The following TMEM132E variants were observed in gnomAD, a reference collection of about 807,000 sequenced individuals.
The protein encoded by TMEM132E is transmembrane protein 132E.
A neutral mutation model predicts 78.5 loss-of-function variants in TMEM132E; 49 were observed. That is an observed-to-expected ratio of 0.62 (90% CI 0.50 to 0.79). TMEM132E has a LOEUF of 0.79. Among genes scored for constraint, TMEM132E ranks in the 30% least tolerant of loss-of-function variants. The pLI is 0.00. For synonymous variants in TMEM132E, 715 were observed against 670.6 expected (o/e 1.07, Z -1.02); for missense variants, 1,403 against 1,470.9 (o/e 0.95, Z 0.75).
chr17:34,637,808 A>G lies in TMEM132E; in HGVS notation c.2801A>G (p.His934Arg). Residue 934 changes from histidine to arginine, a missense_variant, in exon 9 of 9, where the codon CAC becomes CGC. This residue lies in a region of TMEM132E where 888 missense variants were observed against 952.8 expected (regional missense o/e 0.93). Transcript: ENST00000631683. ...CAGACCAGCATGGACCACTCTCACCACTGGGTGTTCCTGGGCAACGGGCAG... is the reference window on the plus strand; with the variant it reads ...CAGACCAGCATGGACCACTCTCACCGCTGGGTGTTCCTGGGCAACGGGCAG... ...EGQTSMDHSH[H>R]WVFLGNGQPL... The G allele has an allele frequency of 1.2e-6, 2 of 1,612,588 alleles. No homozygotes were observed. The highest frequency in any genetic ancestry group is 1.7e-5 in the Admixed American group (1 of 59,998).
chr17:34,604,186 TA>T (rs1182492531), intron 1 of TMEM132E, among the ~76,000 whole-genome samples: 8 of 152,176 alleles, frequency 5.3e-5, no homozygotes, highest in Non-Finnish European at 1.2e-4. Context: ...ACAGCACTGA[TA>T]ACAGTGGGGC....
At chr17:34,592,099 G>A (rs897505308) in intron 1 of TMEM132E, among the ~76,000 whole-genome samples, 9 of 152,216 alleles carry the variant, frequency 5.9e-5, no homozygotes, top group African/African-American at 2.2e-4. Context: ...TCTGGTGGTT[G>A]GGTTTTTTGT....
chr17:34,622,667 C>G (rs1351595244), intron 1 of TMEM132E, among the ~76,000 whole-genome samples: 1 of 152,224 alleles, frequency 6.6e-6, no homozygotes, highest in Non-Finnish European at 1.5e-5. Flanking sequence ...CTCACAGCAT[C>G]CCAGTCACTG....
chr17:34,599,230 A>C (rs1047516429), intron 1 of TMEM132E, among the ~76,000 whole-genome samples: 3 of 152,212 alleles, frequency 2.0e-5, no homozygotes, highest in African/African-American at 7.2e-5. Context: ...GGGTATGTGG[A>C]GAATCAGAGC....
chr17:34,599,330 C>G (rs1906158425), intron 1 of TMEM132E, among the ~76,000 whole-genome samples: 1 of 152,212 alleles, frequency 6.6e-6, no homozygotes, highest in African/African-American at 2.4e-5. Flanking sequence ...GCTGCTCAAC[C>G]CCCACTGTCT....
chr17:34,599,206 TC>T (rs1390772257), intron 1 of TMEM132E, among the ~76,000 whole-genome samples: 4 of 152,046 alleles, frequency 2.6e-5, no homozygotes, highest in Admixed American at 2.6e-4. Context: ...GGTGGGGGGT[TC>T]CCCACAGCAA....
intron 2 of TMEM132E, 60 bp downstream of exon 2, chr17:34,627,117 T>A: frequency 4.0e-5 from 26 of 642,850 alleles, no homozygotes; most frequent in Non-Finnish European, 6.8e-5. Flanking sequence ...CATACCTGAC[T>A]CCTTGTGGGT....
chr17:34,631,946 T>A (rs1907361075), intron 5 of TMEM132E, among the ~76,000 whole-genome samples: 1 of 152,228 alleles, frequency 6.6e-6, no homozygotes, highest in Non-Finnish European at 1.5e-5. Context: ...GTGACACCTC[T>A]GTGAGTGGGC....
Position 34,637,874 on chromosome 17 carries a change from AC to A in TMEM132E, c.2870del (p.Pro957ArgfsTer147). 6.2e-7 allele frequency: 1 copy of A among 1,608,324 alleles called. No individual in the cohort carries two copies. Among genetic ancestry groups the A allele is most frequent in the Non-Finnish European group, 8.5e-7 (1 of 1,178,836 alleles). On this transcript the variant is annotated frameshift_variant, in exon 9 of 9. Coordinates refer to ENST00000631683, the MANE Select transcript of TMEM132E (RefSeq NM_001304438.2). LOFTEE classifies it high-confidence loss of function. Reference protein sequence around the residue: ...VQGELSPPAGNPLETVPAFCH... With the variant: ...VQGELSPPAGXPLETVPAFCH... ...GGAGAGCTGTCGCCGCCAGCAGGCA[AC>A]CCGCTGGAAACCGTGCCCGCCTTCT...
chr17:34,625,810 G>A (rs1191003378), intron 1 of TMEM132E, among the ~76,000 whole-genome samples: 2 of 152,208 alleles, frequency 1.3e-5, no homozygotes, highest in African/African-American at 2.4e-5. Context: ...TGAGGGCGCT[G>A]GGGATAGAAC....
rs552402563 is a variant in TMEM132E, at chr17:34,582,243, C to T, written c.67+1100C>T. 4.6e-5 allele frequency among the ~76,000 whole-genome samples: 7 copies of T among 151,950 alleles called. No individual in the cohort carries two copies. The South Asian group carries it at 1.5e-3, about 32-fold the overall frequency. On this transcript the variant is annotated intron_variant, in intron 1 of 8. Coordinates refer to ENST00000631683, the MANE Select transcript of TMEM132E (RefSeq NM_001304438.2). ...GCTTAGATGGAGGGGGCAGTGGGCT[C>T]TCCGCATTGGTGGAGCGCCCTCGGT...
At position 34,638,259 on chromosome 17, in the gene TMEM132E, C is replaced by A. The variant is rs562731042; in HGVS notation, c.*27C>A. ...GGCGCCAGCCGGAGTAGCAGGGACC[C>A]CCCCCCCCAACGGGGTCAGCTCGGG... is the stretch of plus-strand genomic sequence containing the variant. On this transcript the variant is annotated 3_prime_UTR_variant, in exon 9 of 9. Transcript: ENST00000631683. The A allele has an allele frequency of 7.3e-4, 1,078 of 1,471,534 alleles. 4 individuals carry two copies. In the East Asian group the frequency reaches 0.011, roughly 14 times the overall value. 91.2% of individuals were successfully genotyped at this position (1,471,534 alleles called of 1,614,324 possible). A position where few individuals can be genotyped will look rare whatever the true frequency, so the allele number is the denominator to read the frequency against.
intron 1 of TMEM132E, among the ~76,000 whole-genome samples, chr17:34,617,419 G>A (rs1192742716): frequency 6.6e-5 from 10 of 152,160 alleles, no homozygotes; most frequent in African/African-American, 1.9e-4. Flanking sequence ...GAAGACCTGC[G>A]TGAGCCAGAC....
chr17:34,634,751 G>A (rs1028512205), intron 6 of TMEM132E, 48 bp from the exon 7 acceptor site: 2 of 1,558,774 alleles, frequency 1.3e-6, no homozygotes, highest in Non-Finnish European at 1.7e-6. Context: ...TACTGTGCAG[G>A]TCAGAGTCCA....
At chr17:34,613,139 T>C (rs1447336934) in intron 1 of TMEM132E, among the ~76,000 whole-genome samples, 1 of 146,728 alleles carries the variant, frequency 6.8e-6, no homozygotes, top group Non-Finnish European at 1.5e-5. Context: ...TGCAGGCCTA[T>C]GGTGGCACTC....
rs114404518 is a variant in TMEM132E, at chr17:34,597,959, G to T, written c.67+16816G>T. 7.3e-3 allele frequency among the ~76,000 whole-genome samples: 1,112 copies of T among 152,238 alleles called. 17 individuals are homozygous for T. The highest frequency in any genetic ancestry group is 0.025 in the African/African-American group (1,053 of 41,532). On this transcript the variant is annotated intron_variant, in intron 1 of 8. Transcript: ENST00000631683. ...CCTCCCTCCAGGCCTCAGTTTCCCTGTTTGAGATGAGACAGAATTGGACTA... is the reference window on the plus strand; with the variant it reads ...CCTCCCTCCAGGCCTCAGTTTCCCTTTTTGAGATGAGACAGAATTGGACTA...
At chr17:34,590,358 C>A (rs1191908973) in intron 1 of TMEM132E, among the ~76,000 whole-genome samples, 1 of 152,234 alleles carries the variant, frequency 6.6e-6, no homozygotes, top group Non-Finnish European at 1.5e-5. Flanking sequence ...AGCTCTAAAA[C>A]CAACCTGTCT....
intron 5 of TMEM132E, among the ~76,000 whole-genome samples, chr17:34,632,162 C>A (rs934165088): frequency 6.6e-6 from 1 of 152,230 alleles, no homozygotes; most frequent in Non-Finnish European, 1.5e-5. Flanking sequence ...AGCAGCCCCC[C>A]TCACCGGAAA....
intron 1 of TMEM132E, among the ~76,000 whole-genome samples, chr17:34,612,974 G>A (rs1345292081): frequency 6.6e-6 from 1 of 151,960 alleles, no homozygotes. Context: ...AATGTTAGGG[G>A]GACCCCATGT....
Sources: allele counts gnomAD v4.1 joint callset (sites outside exome capture counted in the v4.1 genomes callset), GRCh38; gene constraint gnomAD v4.1.1; regional missense constraint gnomAD v4.1.1; transcripts MANE v1.5; gene names NCBI Gene and HGNC (gene_info 2026-07-23, HGNC 2026-07-21).